Variants in METTL9 observed in about 807,000 individuals in gnomAD.
METTL9 encodes the protein methyltransferase 9, His-X-His N1(pi)-histidine, also known as protein-L-histidine N-pros-methyltransferase.
Under a neutral mutation model 36.0 loss-of-function variants are expected in METTL9, and 10 were observed. The ratio of observed to expected loss-of-function variants is 0.28; its 90% CI spans 0.17 to 0.47. METTL9 has a LOEUF of 0.47. Ranked by LOEUF, METTL9 falls within the 20% of genes least tolerant of loss-of-function variation. The pLI is 0.99. For missense variants in METTL9, 246 were observed against 383.5 expected (o/e 0.64, Z 3.00); for synonymous variants, 175 against 149.7 (o/e 1.17, Z -1.23).
At chr16:21,600,013 G>T in intron 1 of METTL9, 115 bp downstream of exon 1, 1 of 932,268 alleles carries the variant, frequency 1.1e-6, no homozygotes, top group South Asian at 5.3e-5. Context: ...TCGCCCCTCC[G>T]CCTCGGCCCC....
upstream of METTL9, chr16:21,599,382 G>C: frequency 8.5e-6 from 9 of 1,060,398 alleles, no homozygotes; most frequent in South Asian, 2.2e-4. The surrounding 1 kb of genome is among the most constrained non-coding windows in gnomAD (Gnocchi z 4.4). Flanking sequence ...CGGGACACGA[G>C]AACGCGCTCC....
chr16:21,648,610 G>T (rs1055286804), intron 4 of METTL9, among the ~76,000 whole-genome samples: 11 of 152,188 alleles, frequency 7.2e-5, no homozygotes, highest in African/African-American at 2.7e-4. Context: ...CCCCACCTTG[G>T]CCTTTATATC....
At chr16:21,645,219 G>A (rs1052487388) in intron 4 of METTL9, among the ~76,000 whole-genome samples, 1 of 152,142 alleles carries the variant, frequency 6.6e-6, no homozygotes, top group African/African-American at 2.4e-5. Flanking sequence ...TTGAGAGGCC[G>A]AGGTGGGCAG....
intron 3 of METTL9, among the ~76,000 whole-genome samples, chr16:21,622,822 G>A (rs1328056449): frequency 1.3e-5 from 2 of 152,212 alleles, no homozygotes; most frequent in Non-Finnish European, 2.9e-5. Flanking sequence ...GGTAGGTTTA[G>A]TGAGATTATT....
At chr16:21,606,634 C>T (rs967852190) in intron 1 of METTL9, among the ~76,000 whole-genome samples, 6 of 152,124 alleles carry the variant, frequency 3.9e-5, no homozygotes, top group Non-Finnish European at 1.5e-5. Flanking sequence ...ACCTTATACC[C>T]ACATCCTGGT....
At chr16:21,626,024 G>A (rs187478064) in intron 4 of METTL9, among the ~76,000 whole-genome samples, 1 of 152,162 alleles carries the variant, frequency 6.6e-6, no homozygotes, top group African/African-American at 2.4e-5. Context: ...AGCCTTCTGA[G>A]TCCCAAGTAA....
At chr16:21,647,272 G>A in intron 4 of METTL9, 1 of 1,614,148 alleles carries the variant, frequency 6.2e-7, no homozygotes, top group Non-Finnish European at 8.5e-7. Flanking sequence ...GGTTTTCTTT[G>A]AGGGCCTCCC....
In METTL9 at chr16:21,599,759, G is replaced by T. The variant is rs1376762261; in HGVS notation, c.26G>T (p.Cys9Phe). 4 of 1,534,706 alleles carry T rather than the reference G, an allele frequency of 2.6e-6. No homozygotes were observed. The highest frequency in any genetic ancestry group is 2.6e-6 in the Non-Finnish European group (3 of 1,148,574). The change falls in exon 1 of 5, where the codon TGC becomes TTC. Residue 9 changes from cysteine to phenylalanine, a missense_variant. By Grantham distance (205) the Cys-to-Phe change is radical. This residue lies in a region of METTL9 where 100 missense variants were observed against 81.4 expected (regional missense o/e 1.23). Transcript: ENST00000358154. This position sits in a 1 kb window ranked among gnomAD's most constrained non-coding sequence, Gnocchi z 4.4. Reference sequence around the variant, plus strand: ...ATGAGACTGCTGGCGGGCTGGCTGTGCCTGAGCCTGGCGTCCGTGTGGCTG... The same window carrying T: ...ATGAGACTGCTGGCGGGCTGGCTGTTCCTGAGCCTGGCGTCCGTGTGGCTG... MRLLAGWL[C>F]LSLASVWLAR...
chr16:21,613,168 C>CTTTTTTTTTTTTTTTTTTTTTTTTTTTT, intron 2 of METTL9, among the ~76,000 whole-genome samples: 1 of 91,428 alleles, frequency 1.1e-5, no homozygotes, highest in East Asian at 3.5e-4. Flanking sequence ...TGAGAGTCTG[C>CTTTTTTTTTTTTTTTTTTTTTTTTTTTT]TTTTTTTTTT....
At chr16:21,636,981 C>T (rs1163986643) in intron 4 of METTL9, among the ~76,000 whole-genome samples, 1 of 152,126 alleles carries the variant, frequency 6.6e-6, no homozygotes, top group African/African-American at 2.4e-5. Flanking sequence ...CTTGGTCTCG[C>T]TGACTTCAGG....
rs990317276 is a variant in METTL9, at chr16:21,607,080, A to T, written c.166-5565A>T. Among the ~76,000 whole-genome samples the T allele has an allele frequency of 6.9e-5, 10 of 144,758 alleles. No individual in the cohort carries two copies. The South Asian group carries it at 8.8e-4, about 13-fold the overall frequency. 95.0% of individuals were successfully genotyped at this position (144,758 alleles called of 152,430 possible). A position where few individuals can be genotyped will look rare whatever the true frequency, so the allele number is the denominator to read the frequency against. ...GAGGAGTTCATGGGCTTAATGAGAA[A>T]TTTTTTTTTTTTTTTTGACAGTCTT... On this transcript the variant is annotated intron_variant, in intron 1 of 4. Coordinates refer to ENST00000358154, the MANE Select transcript of METTL9 (RefSeq NM_016025.5).
chr16:21,641,682 C>A (rs1276901880), intron 4 of METTL9: 14 of 711,374 alleles, frequency 2.0e-5, no homozygotes, highest in Non-Finnish European at 3.3e-5. Context: ...ACTGGGCCAT[C>A]TTGGATTCTG....
At chr16:21,635,499 A>G (rs1304383812) in intron 4 of METTL9, among the ~76,000 whole-genome samples, 2 of 152,142 alleles carry the variant, frequency 1.3e-5, no homozygotes, top group Admixed American at 6.5e-5. Flanking sequence ...ATTCTCCTTC[A>G]ATGAAAAGAA....
chr16:21,623,352 A>G (rs1216121419), intron 3 of METTL9, among the ~76,000 whole-genome samples: 1 of 152,238 alleles, frequency 6.6e-6, no homozygotes, highest in Admixed American at 6.5e-5. Flanking sequence ...TGCTCTAAAT[A>G]TCATTATGCT....
intron 4 of METTL9, among the ~76,000 whole-genome samples, chr16:21,635,736 G>A (rs1344004015): frequency 6.6e-6 from 1 of 152,152 alleles, no homozygotes; most frequent in African/African-American, 2.4e-5. Flanking sequence ...GGGTGAGCCT[G>A]TTGATGCCTG....
At chr16:21,625,710 G>A (rs1965801021) in intron 4 of METTL9, among the ~76,000 whole-genome samples, 1 of 152,122 alleles carries the variant, frequency 6.6e-6, no homozygotes, top group African/African-American at 2.4e-5. Context: ...TCACTTCATA[G>A]TTACTGTGAC....
chr16:21,634,629 G>C (rs550787931), intron 4 of METTL9, among the ~76,000 whole-genome samples: 3 of 152,136 alleles, frequency 2.0e-5, no homozygotes, highest in Admixed American at 2.0e-4. Context: ...CACCGAGGTT[G>C]CCAGGTTAAT....
chr16:21,598,593 C>T (rs184400425), upstream of METTL9, among the ~76,000 whole-genome samples: 701 of 152,306 alleles, frequency 4.6e-3, 5 homozygotes, highest in Middle Eastern at 0.031. Flanking sequence ...CGAAATGTTA[C>T]TCCTTAATTG....
At chr16:21,629,529 G>A (rs1965894634) in intron 4 of METTL9, among the ~76,000 whole-genome samples, 1 of 152,200 alleles carries the variant, frequency 6.6e-6, no homozygotes, top group Non-Finnish European at 1.5e-5. Flanking sequence ...TTTGCGGTGA[G>A]TGTTACAGTT....
Sources: allele counts gnomAD v4.1 joint callset (sites outside exome capture counted in the v4.1 genomes callset), GRCh38; gene constraint gnomAD v4.1.1; regional missense constraint gnomAD v4.1.1; non-coding constraint Gnocchi (gnomAD v3.1); transcripts MANE v1.5; gene names NCBI Gene and HGNC (gene_info 2026-07-23, HGNC 2026-07-21).